Variants in NUAK1 observed in about 807,000 individuals in gnomAD.
The protein encoded by NUAK1 is NUAK family SNF1-like kinase 1.
Under a neutral mutation model 56.9 loss-of-function variants are expected in NUAK1, and 26 were observed. The observed-to-expected ratio is 0.46, with a 90% confidence interval of 0.33 to 0.63. The LOEUF is 0.63. NUAK1 is among the 30% of genes least tolerant of loss of function. The probability of loss-of-function intolerance (pLI) is 0.02; values close to 1 mark genes in which losing one functional copy is unlikely to be tolerated. For synonymous variants in NUAK1, 337 were observed against 336.0 expected, an observed-to-expected ratio of 1.00 and a Z score of -0.03; for missense variants, 727 against 876.1, an observed-to-expected ratio of 0.83 and a Z score of 2.15.
At chr12:106,102,422 C>G (rs10219588) in intron 2 of NUAK1, among the ~76,000 whole-genome samples, 2,872 of 152,306 alleles carry the variant, frequency 0.019, 85 homozygotes, top group African/African-American at 0.065. Context: ...CCTGTGGCTA[C>G]TGAGCACATG....
At position 106,138,406 on chromosome 12, in the gene NUAK1, C is replaced by G; in HGVS notation, c.240+8G>C. The stretch of plus-strand genomic sequence containing the variant: ...GCCCCCCGCACCCTCCAGGATTGCC[C>G]CACTCACCACTCGGCCAGAAAACCT... On this transcript the variant is annotated splice_region_variant and intron_variant, in intron 1 of 6. Coordinates refer to ENST00000261402, the MANE Select transcript of NUAK1 (RefSeq NM_014840.3). This position sits in a 1 kb window ranked among gnomAD's most constrained non-coding sequence, Gnocchi z 5.0. 6.2e-7 allele frequency: 1 copy of G among 1,603,226 alleles called. No individual in the cohort carries two copies. Among genetic ancestry groups the G allele is most frequent in the Admixed American group, 1.7e-5 (1 of 59,534 alleles).
At chr12:106,084,145 C>T in intron 3 of NUAK1, 1 of 565,408 alleles carries the variant, frequency 1.8e-6, no homozygotes, top group South Asian at 2.3e-5. Flanking sequence ...TAGTCACTTG[C>T]TGTGTGGTTA....
chr12:106,080,641 G>A (rs2032507542), intron 4 of NUAK1, among the ~76,000 whole-genome samples: 1 of 152,184 alleles, frequency 6.6e-6, no homozygotes, highest in South Asian at 2.1e-4. Flanking sequence ...CATCAGGCAG[G>A]GAAGGGGAGA....
chr12:106,121,237 G>A (rs1366100193), intron 1 of NUAK1, among the ~76,000 whole-genome samples: 1 of 152,208 alleles, frequency 6.6e-6, no homozygotes, highest in East Asian at 1.9e-4. Flanking sequence ...AAGTGAGGAC[G>A]ATCATCACTC....
At chr12:106,120,020 G>A (rs1226888235) in intron 1 of NUAK1, among the ~76,000 whole-genome samples, 1 of 152,102 alleles carries the variant, frequency 6.6e-6, no homozygotes, top group Non-Finnish European at 1.5e-5. Flanking sequence ...TAACTTATTA[G>A]TATTTCCACT....
chr12:106,107,730 G>C (rs940260254), intron 1 of NUAK1, among the ~76,000 whole-genome samples: 1 of 152,142 alleles, frequency 6.6e-6, no homozygotes, highest in African/African-American at 2.4e-5. Flanking sequence ...CTTCTGACTT[G>C]TACCAGCTCT....
intron 1 of NUAK1, among the ~76,000 whole-genome samples, chr12:106,129,123 C>T (rs539668070): frequency 1.3e-5 from 2 of 152,324 alleles, no homozygotes; most frequent in South Asian, 4.1e-4. Flanking sequence ...AAACTACCCG[C>T]CTGGAGCAGC....
Position 106,086,720 on chromosome 12 carries a change from A to C in NUAK1, c.513+14T>G. On this transcript the variant is annotated intron_variant, in intron 3 of 6. Transcript: ENST00000261402. ...CCATCTACGGCCAAAGCTGCGGGCC[A>C]GGCGCAGCCATACCTTGTGACAATA... 6.3e-7 allele frequency: 1 copy of C among 1,595,112 alleles called. No individual in the cohort carries two copies. The highest frequency in any genetic ancestry group is 8.6e-7 in the Non-Finnish European group (1 of 1,165,058).
At chr12:106,089,782 T>C (rs971088613) in intron 2 of NUAK1, among the ~76,000 whole-genome samples, 3 of 152,066 alleles carry the variant, frequency 2.0e-5, no homozygotes, top group Admixed American at 6.6e-5. Flanking sequence ...GAGTGAGACT[T>C]CATCTCAAAA....
chr12:106,108,136 A>T (rs2032822136), intron 1 of NUAK1, among the ~76,000 whole-genome samples: 1 of 152,148 alleles, frequency 6.6e-6, no homozygotes, highest in Non-Finnish European at 1.5e-5. Context: ...TTATTAATTG[A>T]TGCAAGCTCA....
chr12:106,128,163 G>A (rs891288515), intron 1 of NUAK1, among the ~76,000 whole-genome samples: 10 of 135,812 alleles, frequency 7.4e-5, no homozygotes, highest in Non-Finnish European at 1.2e-4. Context: ...ACAGAGACTC[G>A]TTCTGTTGCC....
chr12:106,111,655 C>G (rs2032860547), intron 1 of NUAK1, among the ~76,000 whole-genome samples: 1 of 151,248 alleles, frequency 6.6e-6, no homozygotes, highest in African/African-American at 2.4e-5. Context: ...GCATTTCCAG[C>G]AAGGTCCCAG....
At chr12:106,077,451 C>A (rs1055287954) in intron 4 of NUAK1, among the ~76,000 whole-genome samples, 3 of 152,186 alleles carry the variant, frequency 2.0e-5, no homozygotes, top group Non-Finnish European at 2.9e-5. Context: ...TTTGTTAGAC[C>A]AGGCAAACAG....
chr12:106,114,912 G>C (rs1420107798), intron 1 of NUAK1, among the ~76,000 whole-genome samples: 1 of 152,216 alleles, frequency 6.6e-6, no homozygotes, highest in African/African-American at 2.4e-5. Context: ...TTGTGCTGCA[G>C]CTTGGTGTAT....
intron 4 of NUAK1, among the ~76,000 whole-genome samples, chr12:106,081,998 C>T (rs1453559580): frequency 1.3e-5 from 2 of 152,204 alleles, no homozygotes; most frequent in South Asian, 2.1e-4. Flanking sequence ...AGGTAGGCAC[C>T]TTCAGAGCAG....
At chr12:106,084,345 G>A (rs1323645568) in intron 3 of NUAK1, among the ~76,000 whole-genome samples, 2 of 152,208 alleles carry the variant, frequency 1.3e-5, no homozygotes, top group East Asian at 3.8e-4. Flanking sequence ...GGGGCTCACA[G>A]GCACTCCTCA....
chr12:106,075,286 AACACACACACACACACAC>A (rs370123170), intron 4 of NUAK1, among the ~76,000 whole-genome samples: 1 of 133,930 alleles, frequency 7.5e-6, no homozygotes, highest in East Asian at 2.4e-4. Context: ...AGTATTAATC[AACACACACACACACACAC>A]ACACACACAC....
At position 106,106,249 on chromosome 12, in the gene NUAK1, G is replaced by A. The variant is rs1299888149; in HGVS notation, c.361+156C>T. ...ACTCATGTGTCTGGTTGTGTTCAAGGTAACCAAGTAAGAGATAACACCCGA... is the reference window on the plus strand; with the variant it reads ...ACTCATGTGTCTGGTTGTGTTCAAGATAACCAAGTAAGAGATAACACCCGA... On this transcript the variant is annotated intron_variant, in intron 2 of 6. Transcript: ENST00000261402. The A allele has an allele frequency of 4.9e-6, 3 of 610,460 alleles. No individual in the cohort carries two copies. The Admixed American group carries it at 9.6e-5, about 20-fold the overall frequency. 37.8% of individuals were successfully genotyped at this position (610,460 alleles called of 1,614,324 possible).
intron 1 of NUAK1, among the ~76,000 whole-genome samples, chr12:106,126,138 A>G (rs2033022820): frequency 6.6e-6 from 1 of 152,244 alleles, no homozygotes; most frequent in Non-Finnish European, 1.5e-5. Context: ...ACAAGAAATC[A>G]GTCTCCTTAA....
Sources: allele counts gnomAD v4.1 joint callset (sites outside exome capture counted in the v4.1 genomes callset), GRCh38; gene constraint gnomAD v4.1.1; non-coding constraint Gnocchi (gnomAD v3.1); transcripts MANE v1.5; gene names NCBI Gene and HGNC (gene_info 2026-07-23, HGNC 2026-07-21).